AGBL4: variants seen among roughly 807,000 people sequenced by gnomAD.
The protein encoded by AGBL4 is cytosolic carboxypeptidase 6.
In AGBL4, 58 loss-of-function variants were observed where a neutral mutation model predicts 66.4. That is an observed-to-expected ratio of 0.87 (90% CI 0.71 to 1.09). The LOEUF (loss-of-function observed/expected upper bound fraction) is 1.09, where lower values mean the gene tolerates loss of function less well. AGBL4 is among the 50% of genes least tolerant of loss of function. The pLI, the probability that AGBL4 is intolerant of heterozygous loss-of-function variation, is 0.00. For missense variants in AGBL4, 579 were observed against 631.0 expected, an observed-to-expected ratio of 0.92 and a Z score of 0.88; for synonymous variants, 234 against 222.9, an observed-to-expected ratio of 1.05 and a Z score of -0.44.
intron 3 of AGBL4, among the ~76,000 whole-genome samples, chr1:49,321,960 T>C (rs1008731240): frequency 1.3e-5 from 2 of 152,238 alleles, no homozygotes; most frequent in African/African-American, 4.8e-5. Context: ...ATTTTTCAGA[T>C]GGTGTACTAC....
chr1:49,670,026 A>G (rs780545243), intron 3 of AGBL4, among the ~76,000 whole-genome samples: 4 of 152,200 alleles, frequency 2.6e-5, no homozygotes, highest in African/African-American at 7.2e-5. Flanking sequence ...GAGATTTCAG[A>G]ATATGACATC....
chr1:48,751,221 C>G (rs906746193), intron 6 of AGBL4, among the ~76,000 whole-genome samples: 2 of 152,176 alleles, frequency 1.3e-5, no homozygotes, highest in Non-Finnish European at 2.9e-5. Flanking sequence ...CCTGGTAAGG[C>G]TGAAACTATG....
intron 5 of AGBL4, among the ~76,000 whole-genome samples, chr1:48,950,051 C>T (rs1391869012): frequency 6.6e-6 from 1 of 152,190 alleles, no homozygotes; most frequent in Admixed American, 6.5e-5. Context: ...TATATTAACA[C>T]ACTCATACCT....
chr1:48,745,606 C>G (rs1570466159), intron 6 of AGBL4, among the ~76,000 whole-genome samples: 3 of 152,260 alleles, frequency 2.0e-5, no homozygotes, highest in South Asian at 4.2e-4. Context: ...TCCTTTTGTC[C>G]AGAACATTCT....
intron 6 of AGBL4, among the ~76,000 whole-genome samples, chr1:48,778,182 A>T (rs12751243): frequency 3.8e-5 from 4 of 104,288 alleles, no homozygotes; most frequent in African/African-American, 1.4e-4. Flanking sequence ...CATCCATCCA[A>T]CCATCCATCC....
intron 6 of AGBL4, among the ~76,000 whole-genome samples, chr1:48,865,299 T>C (rs528774654): frequency 1.3e-5 from 2 of 152,300 alleles, no homozygotes; most frequent in South Asian, 4.1e-4. Flanking sequence ...TTCTAAGTCA[T>C]GGCACACATT....
intron 3 of AGBL4, among the ~76,000 whole-genome samples, chr1:49,605,897 C>G (rs1384487507): frequency 1.3e-5 from 2 of 151,962 alleles, no homozygotes; most frequent in Non-Finnish European, 1.5e-5. Context: ...TTAATAGGAT[C>G]ATTCAAAAAA....
intron 3 of AGBL4, 27 bp from the exon 4 acceptor site, chr1:49,245,891 T>C (rs893746196): frequency 6.8e-7 from 1 of 1,479,012 alleles, no homozygotes; most frequent in Non-Finnish European, 9.2e-7. Flanking sequence ...GAGAAGTTCA[T>C]CTTTATGCTA....
At chr1:48,527,852 G>T in the AGBL4 span, among the ~76,000 whole-genome samples, 33 of 152,270 alleles carry the variant, frequency 2.2e-4, no homozygotes, top group Admixed American at 2.0e-3. Flanking sequence ...ACAAAAGTCG[G>T]ATGATATCCA....
chr1:49,895,798 G>A, intron 1 of AGBL4, among the ~76,000 whole-genome samples: 1 of 151,062 alleles, frequency 6.6e-6, no homozygotes, highest in Non-Finnish European at 1.5e-5. Context: ...AACACAGCAA[G>A]GAAAAAGAAA....
intron 3 of AGBL4, among the ~76,000 whole-genome samples, chr1:49,494,212 G>A (rs940271587): frequency 3.3e-5 from 5 of 151,696 alleles, no homozygotes; most frequent in African/African-American, 9.7e-5. Flanking sequence ...TATGAGCTAT[G>A]ACTTTTGACT....
intron 1 of AGBL4, among the ~76,000 whole-genome samples, chr1:49,898,196 T>C (rs964661448): frequency 6.6e-6 from 1 of 151,806 alleles, no homozygotes; most frequent in Non-Finnish European, 1.5e-5. Context: ...TGGGAGAAAA[T>C]ATTTGCAAAT....
intron 3 of AGBL4, among the ~76,000 whole-genome samples, chr1:49,650,677 G>C (rs192505090): frequency 5.1e-4 from 78 of 152,274 alleles, no homozygotes; most frequent in Middle Eastern, 6.8e-3. Context: ...GAACCAGTGG[G>C]ACCTTGGAAA....
intron 4 of AGBL4, among the ~76,000 whole-genome samples, chr1:49,222,781 CT>C (rs1649600295): frequency 1.3e-5 from 2 of 152,156 alleles, no homozygotes. Context: ...TGCTCATTCT[CT>C]AAATAACCAT....
chr1:49,623,133 T>C (rs757231842), intron 3 of AGBL4, among the ~76,000 whole-genome samples: 4 of 152,172 alleles, frequency 2.6e-5, no homozygotes, highest in Non-Finnish European at 5.9e-5. Flanking sequence ...AACATATACT[T>C]GTCAGCTCTT....
intron 5 of AGBL4, among the ~76,000 whole-genome samples, chr1:48,999,495 G>A (rs1172724914): frequency 6.6e-6 from 1 of 152,188 alleles, no homozygotes; most frequent in Non-Finnish European, 1.5e-5. Flanking sequence ...TGAAGGGGAT[G>A]CAGCTCAAAG....
chr1:49,256,347 T>C (rs904219286), intron 3 of AGBL4, among the ~76,000 whole-genome samples: 7 of 152,158 alleles, frequency 4.6e-5, no homozygotes, highest in African/African-American at 7.2e-5. Flanking sequence ...AAGGCATTTA[T>C]TGATACAAAG....
intron 3 of AGBL4, among the ~76,000 whole-genome samples, chr1:49,313,670 C>A (rs1047413184): frequency 6.6e-6 from 1 of 152,114 alleles, no homozygotes; most frequent in Non-Finnish European, 1.5e-5. Flanking sequence ...ACATAAATGT[C>A]TTCTTTTGAG....
intron 6 of AGBL4, among the ~76,000 whole-genome samples, chr1:48,738,854 A>G (rs1019057444): frequency 6.6e-6 from 1 of 152,126 alleles, no homozygotes; most frequent in African/African-American, 2.4e-5. Flanking sequence ...TGTACATTCA[A>G]TTTATTTATT....
Sources: gnomAD v4.1 joint callset for allele counts (sites outside exome capture counted in the v4.1 genomes callset) on GRCh38, gnomAD v4.1.1 for gene constraint, MANE v1.5 for transcripts, NCBI Gene and HGNC (gene_info 2026-07-23, HGNC 2026-07-21) for gene names.